PARD3: variants seen among roughly 807,000 people sequenced by gnomAD.
PARD3 encodes the protein par-3 family cell polarity regulator, also known as partitioning defective 3 homolog.
Under a neutral mutation model 155.4 loss-of-function variants are expected in PARD3, and 75 were observed. The ratio of observed to expected loss-of-function variants is 0.48; its 90% CI spans 0.40 to 0.58. The LOEUF (loss-of-function observed/expected upper bound fraction) is 0.58. Among genes scored for constraint, PARD3 ranks in the 20% least tolerant of loss-of-function variants. The pLI is 0.00. For missense variants in PARD3, 1,642 were observed against 1,721.7 expected (o/e 0.95, Z 0.82); for synonymous variants, 576 against 610.5 (o/e 0.94, Z 0.83).
intron 22 of PARD3, among the ~76,000 whole-genome samples, chr10:34,207,409 C>A (rs1465293611): frequency 6.6e-6 from 1 of 152,138 alleles, no homozygotes; most frequent in Non-Finnish European, 1.5e-5. Flanking sequence ...TAATTGAATG[C>A]AAACGAGTCA....
rs148437407 is a variant in PARD3 at position 34,307,618 on chromosome 10, G to A, written c.3065+9489C>T. On this transcript the variant is annotated intron_variant, in intron 20 of 24. Transcript: ENST00000374788. The stretch of plus-strand genomic sequence containing the variant: ...GAGACTGGGGTACATTTACACTGGC[G>A]TTGAAGGCTGCTCCAAGGTGTTATT... Among the ~76,000 whole-genome samples the A allele has an allele frequency of 3.1e-3, 477 of 152,184 alleles. 1 individual carries two copies. Among genetic ancestry groups the A allele is most frequent in the Non-Finnish European group, 5.1e-3 (345 of 68,014 alleles).
chr10:34,418,288 C>G (rs1845863160), intron 5 of PARD3, among the ~76,000 whole-genome samples: 3 of 152,128 alleles, frequency 2.0e-5, no homozygotes, highest in Admixed American at 1.3e-4. Context: ...GATCCTCCCA[C>G]CTCAGCCTCC....
intron 1 of PARD3, among the ~76,000 whole-genome samples, chr10:34,747,052 T>A (rs907540320): frequency 6.6e-6 from 1 of 152,182 alleles, no homozygotes; most frequent in Non-Finnish European, 1.5e-5. Flanking sequence ...ACCCTGCTTA[T>A]CATGGAAACC....
chr10:34,516,296 A>C (rs2081762021), intron 3 of PARD3, among the ~76,000 whole-genome samples: 1 of 152,218 alleles, frequency 6.6e-6, no homozygotes, highest in Non-Finnish European at 1.5e-5. Context: ...CATTTATTGA[A>C]ATTGATCTTC....
intron 22 of PARD3, among the ~76,000 whole-genome samples, chr10:34,133,564 A>C (rs1248451269): frequency 6.6e-6 from 1 of 152,204 alleles, no homozygotes; most frequent in Non-Finnish European, 1.5e-5. Flanking sequence ...TCGGAAGATC[A>C]GGTCTCTTCA....
intron 3 of PARD3, among the ~76,000 whole-genome samples, chr10:34,505,515 A>T (rs567736696): frequency 8.5e-5 from 13 of 152,126 alleles, no homozygotes; most frequent in Non-Finnish European, 1.6e-4. Context: ...TCTAATTTCA[A>T]AGGCAAATTC....
At chr10:34,665,554 T>A (rs1344742299) in intron 2 of PARD3, among the ~76,000 whole-genome samples, 1 of 150,462 alleles carries the variant, frequency 6.6e-6, no homozygotes, top group Non-Finnish European at 1.5e-5. Flanking sequence ...AAAAAAGAAA[T>A]TCTGGGCCTG....
intron 22 of PARD3, among the ~76,000 whole-genome samples, chr10:34,134,650 C>T (rs1311753700): frequency 6.6e-6 from 1 of 152,228 alleles, no homozygotes; most frequent in Admixed American, 6.5e-5. Context: ...TTTTCCTCTG[C>T]TCTTTCTCTC....
At chr10:34,198,487 T>TGC (rs71033304) in intron 22 of PARD3, among the ~76,000 whole-genome samples, 1 of 149,156 alleles carries the variant, frequency 6.7e-6, no homozygotes, top group Admixed American at 6.7e-5. Context: ...TGTGTGTGTG[T>TGC]ATGTGTGTGT....
chr10:34,262,977 G>A (rs1271099945), intron 22 of PARD3, among the ~76,000 whole-genome samples: 1 of 152,212 alleles, frequency 6.6e-6, no homozygotes, highest in Admixed American at 6.5e-5. Flanking sequence ...ATGATGTGAT[G>A]TAATTTATGG....
At chr10:34,616,731 G>A (rs2091280822) in intron 2 of PARD3, among the ~76,000 whole-genome samples, 1 of 152,008 alleles carries the variant, frequency 6.6e-6, no homozygotes. Context: ...CTTCAGCCCA[G>A]GAGTTTGGGA....
chr10:34,400,955 C>G (rs1003243250), intron 6 of PARD3, among the ~76,000 whole-genome samples: 11 of 152,020 alleles, frequency 7.2e-5, no homozygotes, highest in Admixed American at 3.9e-4. Flanking sequence ...ATCCCACAGT[C>G]TAAACAGAAC....
chr10:34,622,063 C>T (rs918713926), intron 2 of PARD3, among the ~76,000 whole-genome samples: 2 of 152,124 alleles, frequency 1.3e-5, no homozygotes, highest in Admixed American at 6.5e-5. Context: ...CCTATACCTG[C>T]CATCGATTAC....
At chr10:34,761,670 AG>A (rs1837452992) in intron 1 of PARD3, among the ~76,000 whole-genome samples, 2 of 152,216 alleles carry the variant, frequency 1.3e-5, no homozygotes, top group Non-Finnish European at 2.9e-5. Context: ...TAAAATGAGC[AG>A]ATTACCCTGG....
chr10:34,180,562 TG>T (rs1407044707), intron 22 of PARD3, among the ~76,000 whole-genome samples: 24 of 152,238 alleles, frequency 1.6e-4, no homozygotes, highest in African/African-American at 5.3e-4. Context: ...ATTTAACACA[TG>T]AAAAAATTAT....
At chr10:34,419,546 G>T (rs77008281) in intron 5 of PARD3, among the ~76,000 whole-genome samples, 10,064 of 152,126 alleles carry the variant, frequency 0.066, 448 homozygotes, top group Non-Finnish European at 0.1. Context: ...GAAGTAATGT[G>T]CAAAGAAACA....
At position 34,369,704 on chromosome 10, in the gene PARD3, G is replaced by A. The variant is rs140684302; in HGVS notation, c.1707+2794C>T. On this transcript the variant is annotated intron_variant, in intron 12 of 24. Transcript: ENST00000374788. ...CTGTATGCACAGTTACCATTCCTGT[G>A]GTTTAAAGTTGATATACCATGGTTT... 2.5e-3 allele frequency among the ~76,000 whole-genome samples: 388 copies of A among 152,228 alleles called. 9 individuals are homozygous for A. The East Asian group carries it at 0.065, about 26-fold the overall frequency.
At chr10:34,779,856 C>T (rs754946515) in intron 1 of PARD3, among the ~76,000 whole-genome samples, 2 of 152,156 alleles carry the variant, frequency 1.3e-5, no homozygotes, top group Non-Finnish European at 2.9e-5. Flanking sequence ...TTCAAGGAGA[C>T]GTGTCCATTT....
At chr10:34,698,428 C>A (rs1313741494) in intron 1 of PARD3, among the ~76,000 whole-genome samples, 1 of 152,248 alleles carries the variant, frequency 6.6e-6, no homozygotes, top group Non-Finnish European at 1.5e-5. Flanking sequence ...CTGGACCACA[C>A]CTTACCCTCC....
Sources: allele counts gnomAD v4.1 joint callset (sites outside exome capture counted in the v4.1 genomes callset), GRCh38; gene constraint gnomAD v4.1.1; transcripts MANE v1.5; gene names NCBI Gene and HGNC (gene_info 2026-07-23, HGNC 2026-07-21).